AAK1: variants seen among roughly 807,000 people sequenced by gnomAD.
AAK1 encodes AP2-associated protein kinase 1.
AAK1 carries 37 observed loss-of-function variants against 116.0 expected under a neutral mutation model. The observed-to-expected ratio is 0.32, with a 90% confidence interval of 0.25 to 0.42. The LOEUF is 0.42. Among genes scored for constraint, AAK1 ranks in the 10% least tolerant of loss-of-function variants. The probability of loss-of-function intolerance (pLI) is 1.00; values close to 1 mark genes in which losing one functional copy is unlikely to be tolerated. For synonymous variants in AAK1, 458 were observed against 439.9 expected (o/e 1.04, Z -0.51); for missense variants, 919 against 1,170.6 (o/e 0.79, Z 3.14).
At chr2:69,582,924 G>A (rs1672608495) in intron 2 of AAK1, among the ~76,000 whole-genome samples, 1 of 152,110 alleles carries the variant, frequency 6.6e-6, no homozygotes, top group African/African-American at 2.4e-5. Context: ...ACCCCTACAG[G>A]GTTATATCTG....
chr2:69,570,139 C>T (rs1201791949), intron 2 of AAK1, among the ~76,000 whole-genome samples: 2 of 151,998 alleles, frequency 1.3e-5, no homozygotes, highest in South Asian at 2.1e-4. Context: ...GAATATTGCC[C>T]TTTCCTCACT....
chr2:69,633,218 C>A (rs867700019), intron 2 of AAK1, among the ~76,000 whole-genome samples: 1,850 of 105,658 alleles, frequency 0.018, 100 homozygotes, highest in Admixed American at 0.1. Context: ...GACTCTGTTT[C>A]AAAAAAAAAA....
chr2:69,550,519 G>A (rs952499898), intron 3 of AAK1, among the ~76,000 whole-genome samples: 1 of 151,972 alleles, frequency 6.6e-6, no homozygotes, highest in Non-Finnish European at 1.5e-5. Flanking sequence ...TGGCCAGGAT[G>A]GTCTCATCTC....
chr2:69,547,172 C>T (rs531848138), intron 3 of AAK1, among the ~76,000 whole-genome samples: 1 of 152,236 alleles, frequency 6.6e-6, no homozygotes, highest in South Asian at 2.1e-4. Flanking sequence ...TCAAAGAAAA[C>T]ATACGTGCAA....
At chr2:69,493,497 G>A (rs1159836940) in intron 17 of AAK1, among the ~76,000 whole-genome samples, 1 of 152,076 alleles carries the variant, frequency 6.6e-6, no homozygotes, top group Non-Finnish European at 1.5e-5. Flanking sequence ...CCTGGGAGCT[G>A]GGACAGAAAT....
intron 2 of AAK1, among the ~76,000 whole-genome samples, chr2:69,639,727 C>T (rs1350058216): frequency 6.6e-6 from 1 of 152,190 alleles, no homozygotes; most frequent in African/African-American, 2.4e-5. Flanking sequence ...AAGCCTCTCA[C>T]ACCACTCCTC....
At chr2:69,488,649 C>A (rs1384734835) in intron 17 of AAK1, among the ~76,000 whole-genome samples, 1 of 152,108 alleles carries the variant, frequency 6.6e-6, no homozygotes, top group Non-Finnish European at 1.5e-5. Context: ...AGGGGGTCAC[C>A]AAGCCACAGG....
At chr2:69,537,583 C>G (rs911454297) in intron 5 of AAK1, among the ~76,000 whole-genome samples, 1 of 152,194 alleles carries the variant, frequency 6.6e-6, no homozygotes, top group Non-Finnish European at 1.5e-5. Flanking sequence ...AGCATTTTCT[C>G]TGGAAAACAG....
chr2:69,628,563 C>T (rs1328810827), intron 2 of AAK1, among the ~76,000 whole-genome samples: 1 of 152,092 alleles, frequency 6.6e-6, no homozygotes, highest in Non-Finnish European at 1.5e-5. Flanking sequence ...TGAGCTAACC[C>T]TAGAAGCAGG....
At chr2:69,603,371 CAG>C (rs1238285263) in intron 2 of AAK1, among the ~76,000 whole-genome samples, 4 of 152,054 alleles carry the variant, frequency 2.6e-5, no homozygotes, top group African/African-American at 9.7e-5. Context: ...ACGCAAGAAA[CAG>C]AGGAGAGAGA....
chr2:69,561,739 C>A (rs1460887157), intron 2 of AAK1, among the ~76,000 whole-genome samples: 2 of 152,166 alleles, frequency 1.3e-5, no homozygotes, highest in Admixed American at 6.5e-5. Context: ...CCTTTGCAGA[C>A]AATCTCCCCT....
intron 2 of AAK1, among the ~76,000 whole-genome samples, chr2:69,586,709 G>C (rs1672782214): frequency 6.6e-6 from 1 of 152,100 alleles, no homozygotes; most frequent in Admixed American, 6.6e-5. Context: ...ATTATCCCTA[G>C]GGCCACTCCC....
At chr2:69,617,007 C>G (rs1353218354) in intron 2 of AAK1, among the ~76,000 whole-genome samples, 2 of 152,114 alleles carry the variant, frequency 1.3e-5, no homozygotes, top group African/African-American at 2.4e-5. Flanking sequence ...CATCCTATCC[C>G]CAGTGTATGG....
At chr2:69,493,386 G>A (rs1675617902) in intron 17 of AAK1, among the ~76,000 whole-genome samples, 1 of 151,960 alleles carries the variant, frequency 6.6e-6, no homozygotes, top group African/African-American at 2.4e-5. Flanking sequence ...GACACTGTGG[G>A]CTGTGCCTTC....
chr2:69,602,274 G>A (rs1459171767), intron 2 of AAK1, among the ~76,000 whole-genome samples: 2 of 152,134 alleles, frequency 1.3e-5, no homozygotes, highest in Admixed American at 6.5e-5. Flanking sequence ...CAACGGGCAC[G>A]ACTGGGACAA....
At chr2:69,497,825 TA>T in intron 16 of AAK1, among the ~76,000 whole-genome samples, 1 of 152,270 alleles carries the variant, frequency 6.6e-6, no homozygotes, top group East Asian at 1.9e-4. Flanking sequence ...GGTGATGTCT[TA>T]TATAAACTGT....
chr2:69,542,705 A>G (rs769846547), intron 4 of AAK1, 40 bp from the exon 5 acceptor site: 61 of 1,601,052 alleles, frequency 3.8e-5, no homozygotes, highest in Non-Finnish European at 5.1e-5. Flanking sequence ...CGTTATAAAC[A>G]TTCGGACTTG....
chr2:69,567,765 C>A (rs1415014172), intron 2 of AAK1, among the ~76,000 whole-genome samples: 3 of 152,170 alleles, frequency 2.0e-5, no homozygotes, highest in Non-Finnish European at 4.4e-5. Flanking sequence ...CACCCCAGGG[C>A]AAGTGCTCAA....
chr2:69,493,158 CAA>C (rs574490585), intron 17 of AAK1, among the ~76,000 whole-genome samples: 22 of 37,564 alleles, frequency 5.9e-4, no homozygotes, highest in South Asian at 5.4e-3. Context: ...GACTCCGTCT[CAA>C]AAAAAAAAAA....
Sources: allele counts gnomAD v4.1 joint callset (sites outside exome capture counted in the v4.1 genomes callset), GRCh38; gene constraint gnomAD v4.1.1; transcripts MANE v1.5; gene names NCBI Gene and HGNC (gene_info 2026-07-23, HGNC 2026-07-21).